The following GRM7 variants were observed in gnomAD, a reference collection of about 807,000 sequenced individuals.
GRM7 encodes the protein metabotropic glutamate receptor 7.
GRM7 carries 35 observed loss-of-function variants against 84.5 expected under a neutral mutation model. That is an observed-to-expected ratio of 0.41 (90% CI 0.32 to 0.55). GRM7 has a LOEUF of 0.55. Among genes scored for constraint, GRM7 ranks in the 20% least tolerant of loss-of-function variants. The pLI, the probability that GRM7 is intolerant of heterozygous loss-of-function variation, is 0.19. For synonymous variants in GRM7, 487 were observed against 455.1 expected (o/e 1.07, Z -0.89); for missense variants, 1,003 against 1,194.6 (o/e 0.84, Z 2.36).
intron 8 of GRM7, among the ~76,000 whole-genome samples, chr3:7,584,878 A>T (rs1462014478): frequency 1.3e-5 from 2 of 152,298 alleles, no homozygotes; most frequent in Admixed American, 6.5e-5. Context: ...AACATTGCCG[A>T]CTATTTAATC....
At chr3:7,477,544 TG>T (rs1290854811) in intron 7 of GRM7, among the ~76,000 whole-genome samples, 1 of 152,180 alleles carries the variant, frequency 6.6e-6, no homozygotes, top group Non-Finnish European at 1.5e-5. Context: ...CAGATTTAGT[TG>T]TGTTAGGTGA....
At chr3:7,071,611 C>A (rs1192922732) in intron 1 of GRM7, among the ~76,000 whole-genome samples, 1 of 151,942 alleles carries the variant, frequency 6.6e-6, no homozygotes, top group Non-Finnish European at 1.5e-5. Context: ...GATGTGTCAC[C>A]AAAGGAACCA....
intron 7 of GRM7, among the ~76,000 whole-genome samples, chr3:7,576,905 T>A (rs904679255): frequency 3.3e-5 from 5 of 152,210 alleles, no homozygotes; most frequent in African/African-American, 1.2e-4. Context: ...TTACATAATG[T>A]CATAGTCTAG....
intron 5 of GRM7, among the ~76,000 whole-genome samples, chr3:7,421,535 A>AT (rs200422796): frequency 2.1e-4 from 32 of 151,688 alleles, no homozygotes; most frequent in African/African-American, 2.4e-4. Flanking sequence ...TTACAAAGAG[A>AT]TTTTTTTTTA....
intron 1 of GRM7, among the ~76,000 whole-genome samples, chr3:7,068,877 C>G (rs975896956): frequency 6.6e-6 from 1 of 151,816 alleles, no homozygotes; most frequent in Non-Finnish European, 1.5e-5. Context: ...GCTTCATTGG[C>G]TTCAGCATAG....
chr3:7,214,234 A>G (rs745720234), intron 2 of GRM7, among the ~76,000 whole-genome samples: 21 of 152,324 alleles, frequency 1.4e-4, no homozygotes, highest in Non-Finnish European at 2.6e-4. Context: ...TGTAGAAGTC[A>G]TGAATATGCA....
chr3:7,377,260 G>A (rs1395103218), intron 4 of GRM7, among the ~76,000 whole-genome samples: 1 of 152,146 alleles, frequency 6.6e-6, no homozygotes, highest in Non-Finnish European at 1.5e-5. Context: ...GTGTAGAGTG[G>A]AAGTGTGACC....
At chr3:7,297,915 A>G (rs915342870) in intron 2 of GRM7, among the ~76,000 whole-genome samples, 2 of 152,190 alleles carry the variant, frequency 1.3e-5, no homozygotes, top group African/African-American at 2.4e-5. Context: ...ATGTATACGC[A>G]TTGCTTAGTA....
intron 1 of GRM7, among the ~76,000 whole-genome samples, chr3:7,010,046 T>A (rs1695315448): frequency 6.6e-6 from 1 of 152,152 alleles, no homozygotes; most frequent in South Asian, 2.1e-4. Context: ...GTTAATATAT[T>A]ACAGATATAA....
intron 1 of GRM7, among the ~76,000 whole-genome samples, chr3:7,025,343 C>G (rs1442081765): frequency 6.6e-6 from 1 of 152,188 alleles, no homozygotes; most frequent in East Asian, 1.9e-4. Flanking sequence ...AAGCATTATT[C>G]TGTCCGCCAG....
At chr3:7,628,192 C>CACAA (rs1461015789) in intron 8 of GRM7, among the ~76,000 whole-genome samples, 2 of 152,088 alleles carry the variant, frequency 1.3e-5, no homozygotes, top group Non-Finnish European at 2.9e-5. Flanking sequence ...AAATGGGTAG[C>CACAA]ACACACTTTA....
intron 1 of GRM7, among the ~76,000 whole-genome samples, chr3:6,927,232 G>A (rs372392907): frequency 3.2e-4 from 49 of 151,992 alleles, no homozygotes; most frequent in African/African-American, 1.1e-3. Context: ...GTTTGAGACC[G>A]GCCTGGCCAA....
chr3:7,004,299 G>A (rs1695110965), intron 1 of GRM7, among the ~76,000 whole-genome samples: 1 of 152,138 alleles, frequency 6.6e-6, no homozygotes, highest in South Asian at 2.1e-4. Context: ...AGAATTACAT[G>A]TATATGATGT....
chr3:7,223,956 A>C (rs1318173285), intron 2 of GRM7, among the ~76,000 whole-genome samples: 1 of 152,146 alleles, frequency 6.6e-6, no homozygotes, highest in Non-Finnish European at 1.5e-5. Context: ...CTATGTATGG[A>C]ATCTTTCTTG....
Position 7,019,790 on chromosome 3 carries a change from A to G in GRM7, c.520-126662A>G, listed in dbSNP as rs150616005. Among the ~76,000 whole-genome samples the G allele has an allele frequency of 2.0e-3, 300 of 152,234 alleles. 4 individuals carry two copies. In the East Asian group the frequency reaches 0.051, roughly 26 times the overall value. On this transcript the variant is annotated intron_variant, in intron 1 of 9. Coordinates refer to ENST00000357716, the MANE Select transcript of GRM7 (RefSeq NM_000844.4). ...CCGTAAATAAAATCTCCCTTTCAAC[A>G]TAGAAATAAAAAACCCAATTTGACC...
At chr3:7,032,962 A>G (rs939324083) in intron 1 of GRM7, among the ~76,000 whole-genome samples, 2 of 152,176 alleles carry the variant, frequency 1.3e-5, no homozygotes, top group African/African-American at 2.4e-5. Context: ...CAAATCAACA[A>G]AAACTGAGTA....
chr3:7,409,982 G>T (rs1695855458), intron 4 of GRM7, among the ~76,000 whole-genome samples: 1 of 152,036 alleles, frequency 6.6e-6, no homozygotes, highest in Non-Finnish European at 1.5e-5. Flanking sequence ...GAAGTTTTTA[G>T]ATTCCTCAAA....
chr3:6,901,264 T>A (rs893207025), intron 1 of GRM7, among the ~76,000 whole-genome samples: 1 of 152,138 alleles, frequency 6.6e-6, no homozygotes, highest in African/African-American at 2.4e-5. Flanking sequence ...TATAATTTGG[T>A]TGCTTAAAAA....
chr3:7,024,956 A>C (rs1695923204), intron 1 of GRM7, among the ~76,000 whole-genome samples: 1 of 152,236 alleles, frequency 6.6e-6, no homozygotes, highest in Admixed American at 6.5e-5. Context: ...TGGGTCTCAT[A>C]GTGCTAAATC....
Sources: allele counts gnomAD v4.1 joint callset (sites outside exome capture counted in the v4.1 genomes callset), GRCh38; gene constraint gnomAD v4.1.1; transcripts MANE v1.5; gene names NCBI Gene and HGNC (gene_info 2026-07-23, HGNC 2026-07-21).